KLHL13: variants seen among roughly 807,000 people sequenced by gnomAD.
KLHL13 encodes the protein kelch-like protein 13.
KLHL13 carries 10 observed loss-of-function variants against 37.1 expected under a neutral mutation model. The ratio of observed to expected loss-of-function variants is 0.27; its 90% CI spans 0.17 to 0.46. KLHL13 has a LOEUF of 0.46. KLHL13 is among the 20% of genes least tolerant of loss of function. The probability of loss-of-function intolerance (pLI) is 1.00; values close to 1 mark genes in which losing one functional copy is unlikely to be tolerated. For synonymous variants in KLHL13, 163 were observed against 181.2 expected (o/e 0.90, Z 0.81); for missense variants, 360 against 509.3 (o/e 0.71, Z 2.82).
rs2053673376 is a variant in KLHL13 at position 117,982,440 on chromosome X, T to C, written c.-55-36865A>G. 2.7e-5 allele frequency among the ~76,000 whole-genome samples: 3 copies of C among 111,308 alleles called. No individual in the cohort carries two copies. In the South Asian group the frequency reaches 1.1e-3, roughly 42 times the overall value. On this transcript the variant is annotated intron_variant, in intron 1 of 6. Coordinates refer to the KLHL13 transcript ENST00000371882. ...TGCTTCAGATGTACATCCAGCAATG[T>C]GTGCAAATAATATCTGTCATTCATC...
At chrX:118,094,829 C>A (rs1369245567) in intron 1 of KLHL13, among the ~76,000 whole-genome samples, 1 of 111,064 alleles carries the variant, frequency 9.0e-6, no homozygotes, top group Non-Finnish European at 1.9e-5. Context: ...ACTTTACAGA[C>A]AAGCAAATGC....
chrX:118,087,920 T>C (rs1295487009), intron 1 of KLHL13, among the ~76,000 whole-genome samples: 4 of 111,836 alleles, frequency 3.6e-5, no homozygotes, highest in Non-Finnish European at 7.5e-5. Context: ...TGGGCTTCAG[T>C]TTCCTCATCT....
At chrX:117,917,531 G>C (rs1602545034) in intron 4 of KLHL13, among the ~76,000 whole-genome samples, 1 of 112,330 alleles carries the variant, frequency 8.9e-6, no homozygotes, top group East Asian at 2.8e-4. Flanking sequence ...GGAACCAACA[G>C]TCTAATTACT....
At chrX:117,948,693 T>G (rs897784977) in intron 1 of KLHL13, among the ~76,000 whole-genome samples, 26 of 111,576 alleles carry the variant, frequency 2.3e-4, no homozygotes, top group African/African-American at 7.2e-4. Flanking sequence ...GCATATTGCT[T>G]GCATGCCACC....
intron 1 of KLHL13, among the ~76,000 whole-genome samples, chrX:118,033,244 C>T (rs112714878): frequency 2.5e-4 from 28 of 110,598 alleles, no homozygotes; most frequent in African/African-American, 7.9e-4. Flanking sequence ...ACAGAGAACG[C>T]CACAAAGATA....
chrX:117,914,910 G>A (rs1310504356), intron 4 of KLHL13, among the ~76,000 whole-genome samples: 1 of 111,704 alleles, frequency 9.0e-6, no homozygotes, highest in African/African-American at 3.3e-5. Context: ...AAGAATGGGT[G>A]CTCAAGGTTA....
intron 1 of KLHL13, among the ~76,000 whole-genome samples, chrX:117,948,708 G>A (rs1048895079): frequency 9.9e-5 from 11 of 110,970 alleles, no homozygotes; most frequent in Non-Finnish European, 2.1e-4. Context: ...GCCACCCCCC[G>A]CCTACCCAAT....
upstream of KLHL13, among the ~76,000 whole-genome samples, chrX:117,977,619 A>T (rs2053609788): frequency 2.7e-5 from 3 of 112,205 alleles, no homozygotes; most frequent in African/African-American, 9.7e-5. Flanking sequence ...GCACTGTGTA[A>T]TCTTTTCAGT....
At chrX:118,063,553 G>A (rs942566347) in intron 1 of KLHL13, among the ~76,000 whole-genome samples, 2 of 111,598 alleles carry the variant, frequency 1.8e-5, no homozygotes, top group African/African-American at 6.5e-5. Context: ...GAGCAGTTTG[G>A]TCAAAACTCT....
At chrX:117,954,407 C>T (rs866033942) in intron 1 of KLHL13, among the ~76,000 whole-genome samples, 13 of 110,812 alleles carry the variant, frequency 1.2e-4, no homozygotes, top group Admixed American at 1.1e-3. Context: ...GATAGGTAGA[C>T]GGATGGATGG....
At chrX:118,030,344 T>C (rs958941017) in intron 1 of KLHL13, among the ~76,000 whole-genome samples, 3 of 112,100 alleles carry the variant, frequency 2.7e-5, no homozygotes, top group Non-Finnish European at 5.6e-5. Context: ...ATGTTAAAAT[T>C]TTTTAATTAT....
chrX:117,906,811 G>C (rs1010574308), intron 5 of KLHL13, among the ~76,000 whole-genome samples: 4 of 111,217 alleles, frequency 3.6e-5, no homozygotes, highest in African/African-American at 1.3e-4. Flanking sequence ...GTAATCTATA[G>C]ATCATTTCAA....
chrX:118,011,477 CA>C (rs368476848), intron 1 of KLHL13, among the ~76,000 whole-genome samples: 5,368 of 83,012 alleles, frequency 0.065, 353 homozygotes, highest in African/African-American at 0.21. Flanking sequence ...AGACTAGAAG[CA>C]AAAAAAAAAA....
intron 1 of KLHL13, among the ~76,000 whole-genome samples, chrX:117,964,883 C>T (rs2053388721): frequency 9.0e-6 from 1 of 111,043 alleles, no homozygotes; most frequent in East Asian, 2.8e-4. Flanking sequence ...TGATGGTTTC[C>T]AGCTTCATCC....
chrX:118,045,399 G>T (rs1332002806), intron 1 of KLHL13, among the ~76,000 whole-genome samples: 1 of 105,371 alleles, frequency 9.5e-6, no homozygotes, highest in Non-Finnish European at 2.0e-5. Context: ...GAAAGAAAAA[G>T]AAATGGGCAA....
At chrX:117,922,840 C>T (rs924687145) in intron 2 of KLHL13, among the ~76,000 whole-genome samples, 1 of 112,129 alleles carries the variant, frequency 8.9e-6, no homozygotes, top group African/African-American at 3.2e-5. Flanking sequence ...ACCTCTTTCA[C>T]TTACTAGAAG....
chrX:118,109,429 G>A (rs2055383791), intron 1 of KLHL13, among the ~76,000 whole-genome samples: 1 of 111,996 alleles, frequency 8.9e-6, no homozygotes, highest in African/African-American at 3.2e-5. Flanking sequence ...GGTTACCACA[G>A]CTGCCCTTGC....
rs145786815 is a variant in KLHL13 at position 118,073,758 on chromosome X, A to G, written c.-56+42750T>C. On this transcript the variant is annotated intron_variant, in intron 1 of 6. Coordinates refer to the KLHL13 transcript ENST00000371882. ...GCTACCCAGACTGTATGTCCAGCTT[A>G]CTTTTGTAACTTTTACTCACTTCCA... 6.5e-3 allele frequency among the ~76,000 whole-genome samples: 721 copies of G among 111,701 alleles called. 4 individuals carry two copies. Among genetic ancestry groups the G allele is most frequent in the Non-Finnish European group, 0.011 (569 of 53,098 alleles).
At chrX:117,961,518 G>A (rs764065007) in intron 1 of KLHL13, among the ~76,000 whole-genome samples, 46 of 111,849 alleles carry the variant, frequency 4.1e-4, no homozygotes, top group Non-Finnish European at 8.1e-4. Context: ...TGGCAAAGGA[G>A]ACTTTGAAAA....
Sources: gnomAD v4.1 joint callset for allele counts (sites outside exome capture counted in the v4.1 genomes callset) on GRCh38, gnomAD v4.1.1 for gene constraint, MANE v1.5 for transcripts, NCBI Gene and HGNC (gene_info 2026-07-23, HGNC 2026-07-21) for gene names.